The following CSNK1G1 variants were observed in gnomAD, a reference collection of about 807,000 sequenced individuals.
The protein encoded by CSNK1G1 is casein kinase 1 gamma 1.
In CSNK1G1, 22 loss-of-function variants were observed where a neutral mutation model predicts 59.6. That is an observed-to-expected ratio of 0.37 (90% CI 0.26 to 0.53). The LOEUF is 0.53. Among genes scored for constraint, CSNK1G1 ranks in the 20% least tolerant of loss-of-function variants. The probability of loss-of-function intolerance (pLI) is 0.89; values close to 1 mark genes in which losing one functional copy is unlikely to be tolerated. For synonymous variants in CSNK1G1, 179 were observed against 177.1 expected (o/e 1.01, Z -0.08); for missense variants, 384 against 519.5 (o/e 0.74, Z 2.54).
chr15:64,264,927 G>A (rs1892900544), intron 2 of CSNK1G1, among the ~76,000 whole-genome samples: 1 of 152,084 alleles, frequency 6.6e-6, no homozygotes, highest in Non-Finnish European at 1.5e-5. Context: ...GACTGAATGG[G>A]GAAAAATTAA....
At chr15:64,342,606 C>T (rs1897734982) in intron 1 of CSNK1G1, 1 of 152,192 alleles carries the variant, frequency 6.6e-6, no homozygotes, top group African/African-American at 2.4e-5. Context: ...TGGTGATGTC[C>T]ATCTCATGTC....
chr15:64,343,799 T>C (rs1331415253), intron 1 of CSNK1G1, among the ~76,000 whole-genome samples: 1 of 151,106 alleles, frequency 6.6e-6, no homozygotes, highest in East Asian at 2.0e-4. Context: ...CTTCAATTTC[T>C]ATATTACCAC....
chr15:64,217,644 T>G (rs886435900), intron 4 of CSNK1G1, among the ~76,000 whole-genome samples: 1 of 151,946 alleles, frequency 6.6e-6, no homozygotes, highest in Non-Finnish European at 1.5e-5. Context: ...ATGGTGAAAC[T>G]GTCTCTACTG....
intron 10 of CSNK1G1, chr15:64,181,069 A>C: frequency 2.4e-6 from 3 of 1,230,482 alleles, no homozygotes. Context: ...TTTCCTTCAG[A>C]AATTTCCTCA....
At chr15:64,260,958 C>T (rs1892658173) in intron 2 of CSNK1G1, among the ~76,000 whole-genome samples, 1 of 152,046 alleles carries the variant, frequency 6.6e-6, no homozygotes, top group Non-Finnish European at 1.5e-5. Context: ...TTTCTTAGGT[C>T]AAACACCTCA....
intron 1 of CSNK1G1, among the ~76,000 whole-genome samples, chr15:64,303,838 G>A (rs1895506904): frequency 6.7e-6 from 1 of 149,492 alleles, no homozygotes; most frequent in Non-Finnish European, 1.5e-5. Context: ...AGAATTGCTT[G>A]AGCATGGGAG....
intron 1 of CSNK1G1, among the ~76,000 whole-genome samples, chr15:64,355,515 A>G (rs1344824486): frequency 6.6e-6 from 1 of 152,210 alleles, no homozygotes; most frequent in Non-Finnish European, 1.5e-5. Flanking sequence ...AAGCTCCGCC[A>G]AGGGCGGCTC....
At chr15:64,195,272 ACT>A (rs1218061823) in intron 10 of CSNK1G1, among the ~76,000 whole-genome samples, 6 of 152,026 alleles carry the variant, frequency 3.9e-5, no homozygotes, top group Non-Finnish European at 8.8e-5. Context: ...AGTCAATATG[ACT>A]CTCTCCACTG....
chr15:64,173,985 A>C (rs2081709752), intron 11 of CSNK1G1, among the ~76,000 whole-genome samples: 1 of 152,220 alleles, frequency 6.6e-6, no homozygotes, highest in African/African-American at 2.4e-5. Context: ...GAAATTAACA[A>C]TAAAAGAGGC....
At chr15:64,332,736 AAAC>A (rs1897180076) in intron 1 of CSNK1G1, among the ~76,000 whole-genome samples, 2 of 148,650 alleles carry the variant, frequency 1.3e-5, no homozygotes, top group Admixed American at 6.7e-5. Context: ...AAAAAAACAA[AAAC>A]AAAAAAAAAG....
At chr15:64,225,461 C>A (rs2082447366) in intron 4 of CSNK1G1, among the ~76,000 whole-genome samples, 1 of 152,110 alleles carries the variant, frequency 6.6e-6, no homozygotes, top group South Asian at 2.1e-4. Flanking sequence ...CCTTCATCTG[C>A]ATATATGCCA....
intron 2 of CSNK1G1, among the ~76,000 whole-genome samples, chr15:64,285,958 C>CG (rs1407371671): frequency 1.3e-5 from 2 of 152,112 alleles, no homozygotes; most frequent in African/African-American, 4.8e-5. Flanking sequence ...GCTTTGCTCA[C>CG]ATCTCCGGCC....
rs750827467 is a variant in CSNK1G1 at position 64,167,028 on chromosome 15, CG to C, written c.*4902del. The C allele has an allele frequency of 1.3e-5, 2 of 152,108 alleles. No individual in the cohort carries two copies. Among genetic ancestry groups the C allele is most frequent in the African/African-American group, 2.4e-5 (1 of 41,430 alleles). 9.4% of individuals were successfully genotyped at this position (152,108 alleles called of 1,614,324 possible). On this transcript the variant is annotated 3_prime_UTR_variant, in exon 12 of 12. Coordinates refer to ENST00000303052, the MANE Select transcript of CSNK1G1 (RefSeq NM_022048.5). ...CCCTTGAAAGGTGATTTACAAATACCGGAAGTGGGTTTTCTGGTTGTGTTTT... is the reference window on the plus strand; with the variant it reads ...CCCTTGAAAGGTGATTTACAAATACCGAAGTGGGTTTTCTGGTTGTGTTTT...
chr15:64,323,432 C>T (rs1231416824), intron 1 of CSNK1G1, among the ~76,000 whole-genome samples: 1 of 151,604 alleles, frequency 6.6e-6, no homozygotes. Flanking sequence ...ATGGCGCAAT[C>T]TCGGCTCACT....
chr15:64,217,995 T>C (rs1030843906), intron 4 of CSNK1G1, among the ~76,000 whole-genome samples: 14 of 152,178 alleles, frequency 9.2e-5, no homozygotes, highest in Admixed American at 3.3e-4. Flanking sequence ...TTACCCAGGC[T>C]GGAGTGCAGT....
intron 4 of CSNK1G1, among the ~76,000 whole-genome samples, chr15:64,231,407 ATATG>A (rs2082547215): frequency 6.8e-6 from 1 of 147,194 alleles, no homozygotes. Flanking sequence ...TCTTGCTCAT[ATATG>A]TATATGTATA....
chr15:64,332,371 G>T (rs1897152970), intron 1 of CSNK1G1, among the ~76,000 whole-genome samples: 1 of 141,574 alleles, frequency 7.1e-6, no homozygotes, highest in South Asian at 2.3e-4. Flanking sequence ...CATGTCCTTT[G>T]TAGGGACATG....
At chr15:64,266,121 G>A (rs900245940) in intron 2 of CSNK1G1, among the ~76,000 whole-genome samples, 5 of 151,742 alleles carry the variant, frequency 3.3e-5, no homozygotes, top group African/African-American at 7.3e-5. Context: ...GCAGTGCAGC[G>A]ACACGATCTC....
At chr15:64,343,628 T>C (rs1485456225) in intron 1 of CSNK1G1, among the ~76,000 whole-genome samples, 1 of 152,014 alleles carries the variant, frequency 6.6e-6, no homozygotes, top group Non-Finnish European at 1.5e-5. Context: ...TAAATTACTG[T>C]AATGTTGACA....
Sources: gnomAD v4.1 joint callset for allele counts (sites outside exome capture counted in the v4.1 genomes callset) on GRCh38, gnomAD v4.1.1 for gene constraint, MANE v1.5 for transcripts, NCBI Gene and HGNC (gene_info 2026-07-23, HGNC 2026-07-21) for gene names.